Variants in DCC observed in about 807,000 individuals in gnomAD.
The protein encoded by DCC is DCC netrin 1 receptor, also known as netrin receptor DCC.
DCC carries 58 observed loss-of-function variants against 172.5 expected under a neutral mutation model. The ratio of observed to expected loss-of-function variants is 0.34; its 90% CI spans 0.27 to 0.42. The LOEUF is 0.42. Ranked by LOEUF, DCC falls within the 10% of genes least tolerant of loss-of-function variation. The pLI is 1.00. For synonymous variants in DCC, 709 were observed against 644.5 expected, an observed-to-expected ratio of 1.10 and a Z score of -1.52; for missense variants, 1,740 against 1,791.0, an observed-to-expected ratio of 0.97 and a Z score of 0.51.
chr18:53,515,319 A>G lies in DCC; in HGVS notation c.4112-11298A>G, dbSNP rs1018052606. ...TATTTCCAAATAATAAGAGCTATCT[A>G]TGAGAAACCCACAGCCAATATCATA... On this transcript the variant is annotated intron_variant, in intron 27 of 28. Coordinates refer to ENST00000442544, the MANE Select transcript of DCC (RefSeq NM_005215.4). 1.2e-3 allele frequency among the ~76,000 whole-genome samples: 173 copies of G among 150,420 alleles called. 2 individuals carry two copies. The highest frequency in any genetic ancestry group is 4.5e-3 in the East Asian group (23 of 5,102).
chr18:52,797,192 G>T (rs1267407023), intron 2 of DCC, among the ~76,000 whole-genome samples: 2 of 151,426 alleles, frequency 1.3e-5, no homozygotes, highest in Non-Finnish European at 2.9e-5. Context: ...TTGTATTGTT[G>T]GTGTTTTCTT....
intron 22 of DCC, among the ~76,000 whole-genome samples, chr18:53,444,953 T>C (rs1912506226): frequency 6.6e-6 from 1 of 152,226 alleles, no homozygotes; most frequent in Non-Finnish European, 1.5e-5. Flanking sequence ...AACTGGATCT[T>C]CAACACATAT....
intron 2 of DCC, among the ~76,000 whole-genome samples, chr18:52,876,359 A>ATTAT (rs146992159): frequency 0.015 from 2,342 of 152,282 alleles, 44 homozygotes; most frequent in African/African-American, 0.039. Context: ...TGTATTATTA[A>ATTAT]TAGGATTTAA....
intron 5 of DCC, among the ~76,000 whole-genome samples, chr18:52,942,765 T>A (rs185096880): frequency 6.6e-6 from 1 of 152,170 alleles, no homozygotes; most frequent in Non-Finnish European, 1.5e-5. Flanking sequence ...GAAGTACAAT[T>A]CAACATGAGA....
chr18:53,440,623 T>C (rs1310436314), intron 22 of DCC, among the ~76,000 whole-genome samples: 2 of 152,118 alleles, frequency 1.3e-5, no homozygotes, highest in Non-Finnish European at 2.9e-5. Context: ...CACCCAATGC[T>C]ACACTCAGCA....
At chr18:53,166,683 G>A (rs1008398050) in intron 8 of DCC, among the ~76,000 whole-genome samples, 2 of 152,082 alleles carry the variant, frequency 1.3e-5, no homozygotes, top group African/African-American at 4.8e-5. Context: ...TTTTTAAAAA[G>A]CTCATTCCTA....
intron 2 of DCC, among the ~76,000 whole-genome samples, chr18:52,848,209 C>T (rs112909188): frequency 0.027 from 4,053 of 151,784 alleles, 161 homozygotes; most frequent in African/African-American, 0.09. Context: ...CCCCAGCCTC[C>T]GGAGTGCTGA....
chr18:52,672,870 C>A (rs1203042182), intron 1 of DCC, among the ~76,000 whole-genome samples: 2 of 152,014 alleles, frequency 1.3e-5, no homozygotes, highest in Non-Finnish European at 2.9e-5. Context: ...AGTTTAAGAC[C>A]AGCCTGGGCA....
intron 2 of DCC, among the ~76,000 whole-genome samples, chr18:52,844,602 G>T (rs7239877): frequency 0.05 from 7,607 of 152,190 alleles, 658 homozygotes; most frequent in African/African-American, 0.17. Flanking sequence ...CATACCATAT[G>T]CTGGAAATCA....
At chr18:53,190,765 T>A (rs1458961913) in intron 9 of DCC, among the ~76,000 whole-genome samples, 1 of 151,984 alleles carries the variant, frequency 6.6e-6, no homozygotes, top group Non-Finnish European at 1.5e-5. Context: ...GCTAACACGG[T>A]GAAACCCCTT....
chr18:52,393,462 T>G (rs1251898916), intron 1 of DCC, among the ~76,000 whole-genome samples: 1 of 152,056 alleles, frequency 6.6e-6, no homozygotes, highest in Non-Finnish European at 1.5e-5. Context: ...AATCCATATT[T>G]TAATCTCTAT....
intron 1 of DCC, among the ~76,000 whole-genome samples, chr18:52,394,871 T>A (rs574416533): frequency 3.3e-5 from 5 of 152,058 alleles, no homozygotes; most frequent in African/African-American, 9.6e-5. Context: ...GCAAGGAAGG[T>A]TTATCTGAAA....
intron 1 of DCC, among the ~76,000 whole-genome samples, chr18:52,351,539 A>G (rs545532858): frequency 6.6e-6 from 1 of 152,308 alleles, no homozygotes; most frequent in African/African-American, 2.4e-5. Context: ...GACTTTGAAA[A>G]GTGTACAGAG....
chr18:53,237,213 C>A (rs1362409141), intron 12 of DCC: 1 of 153,942 alleles, frequency 6.5e-6, no homozygotes, highest in East Asian at 1.9e-4. Context: ...TTGTCCTTCA[C>A]AGTTAAACAA....
intron 1 of DCC, among the ~76,000 whole-genome samples, chr18:52,590,114 TTA>T (rs1228540430): frequency 2.0e-5 from 3 of 152,030 alleles, no homozygotes; most frequent in Non-Finnish European, 4.4e-5. Flanking sequence ...TAGGTTCTGT[TTA>T]TTTTTGTACA....
intron 5 of DCC, chr18:52,934,811 A>G (rs1190457095): frequency 1.3e-5 from 2 of 152,160 alleles, no homozygotes; most frequent in Admixed American, 6.6e-5. Flanking sequence ...CCTTGCACAG[A>G]GAGAAAAGGC....
rs1323698012 is a variant in DCC at position 52,340,659 on chromosome 18, G to A, written c.-129G>A. ...AGGTGGAGAAAGAGGTGGAGGAAGA[G>A]GACGAGGAGGAGGAGGAAGCCGAAG... On this transcript the variant is annotated 5_prime_UTR_variant, in exon 1 of 29. Coordinates refer to ENST00000442544, the MANE Select transcript of DCC (RefSeq NM_005215.4). 9 of 780,584 alleles carry A rather than the reference G, an allele frequency of 1.2e-5. 1 individual carries two copies. Among genetic ancestry groups the A allele is most frequent in the East Asian group, 2.4e-5 (1 of 41,172 alleles). The allele number at this position is 780,584 out of a possible 1,614,324, so 48.4% of individuals were successfully genotyped here.
In DCC at chr18:53,535,665, T is replaced by C. The variant is rs902860225; in HGVS notation, c.*5012T>C. 6.6e-6 allele frequency: 1 copy of C among 152,222 alleles called. No homozygotes were observed. Among genetic ancestry groups the C allele is most frequent in the African/African-American group, 2.4e-5 (1 of 41,468 alleles). 9.4% of individuals were successfully genotyped at this position (152,222 alleles called of 1,614,324 possible). On this transcript the variant is annotated 3_prime_UTR_variant, in exon 29 of 29. Transcript: ENST00000442544. Reference sequence around the variant, plus strand: ...TTCTTTAAACTGTCAGATTCTAGCATTGTTAACCAAATTAGACTAGTGATT... The same window carrying C: ...TTCTTTAAACTGTCAGATTCTAGCACTGTTAACCAAATTAGACTAGTGATT...
intron 1 of DCC, among the ~76,000 whole-genome samples, chr18:52,390,644 T>A (rs952534185): frequency 2.0e-5 from 3 of 152,064 alleles, no homozygotes; most frequent in Admixed American, 6.6e-5. Context: ...TGTCACATGG[T>A]GGAGTTCGCA....
Sources: allele counts gnomAD v4.1 joint callset (sites outside exome capture counted in the v4.1 genomes callset), GRCh38; gene constraint gnomAD v4.1.1; transcripts MANE v1.5; gene names NCBI Gene and HGNC (gene_info 2026-07-23, HGNC 2026-07-21).